Variants in SNX25 observed in about 807,000 individuals in gnomAD.
The protein encoded by SNX25 is sorting nexin 25.
Under a neutral mutation model 113.7 loss-of-function variants are expected in SNX25, and 62 were observed. The ratio of observed to expected loss-of-function variants is 0.55; its 90% CI spans 0.44 to 0.67. The LOEUF (loss-of-function observed/expected upper bound fraction) is 0.67. Ranked by LOEUF, SNX25 falls within the 30% of genes least tolerant of loss-of-function variation. SNX25 has a pLI of 0.00. For synonymous variants in SNX25, 421 were observed against 436.2 expected, an observed-to-expected ratio of 0.97 and a Z score of 0.43; for missense variants, 1,014 against 1,161.0, an observed-to-expected ratio of 0.87 and a Z score of 1.84.
At chr4:185,272,643 A>C (rs1170401035) in intron 5 of SNX25, among the ~76,000 whole-genome samples, 1 of 152,102 alleles carries the variant, frequency 6.6e-6, no homozygotes, top group Non-Finnish European at 1.5e-5. Context: ...ACTAATATTG[A>C]GATTCTCTTG....
chr4:185,206,660 CAAAA>C (rs375061067), upstream of SNX25, among the ~76,000 whole-genome samples: 3 of 77,438 alleles, frequency 3.9e-5, no homozygotes, highest in African/African-American at 1.0e-4. Context: ...ACTCTTGTCT[CAAAA>C]AAAAAAAAAA....
Position 185,321,561 on chromosome 4 carries a change from C to G in SNX25, c.1476+697C>G, listed in dbSNP as rs537020155. Among the ~76,000 whole-genome samples, 3 of 152,230 alleles carry G rather than the reference C, an allele frequency of 2.0e-5. No individual in the cohort carries two copies. In the South Asian group the frequency reaches 6.2e-4, roughly 32 times the overall value. Reference sequence around the variant, plus strand: ...TACAGTCATGAGCCACCGCAGCCAGCTTTTATTTCAATTTAAATATGAATA... The same window carrying G: ...TACAGTCATGAGCCACCGCAGCCAGGTTTTATTTCAATTTAAATATGAATA... On this transcript the variant is annotated intron_variant, in intron 8 of 18. Coordinates refer to ENST00000652585, the MANE Select transcript of SNX25 (RefSeq NM_001378034.2).
chr4:185,292,274 A>G (rs562868623), intron 6 of SNX25, among the ~76,000 whole-genome samples: 5 of 151,984 alleles, frequency 3.3e-5, no homozygotes, highest in African/African-American at 9.7e-5. Flanking sequence ...TGACGAGGGG[A>G]AAAAAGTAAA....
rs1160612902 is a variant in SNX25 at position 185,334,864 on chromosome 4, G to T, written c.1914+2105G>T. 1.3e-5 allele frequency among the ~76,000 whole-genome samples: 2 copies of T among 152,176 alleles called. No individual in the cohort carries two copies. The highest frequency in any genetic ancestry group is 2.4e-5 in the African/African-American group (1 of 41,452). On this transcript the variant is annotated intron_variant, in intron 10 of 18. Coordinates refer to ENST00000652585, the MANE Select transcript of SNX25 (RefSeq NM_001378034.2). This position sits in a 1 kb window ranked among gnomAD's most constrained non-coding sequence, Gnocchi z 4.2. ...CTGATCTACATTTGCTGTGTAATCA[G>T]ATTGTCCACAGGCTGCTCACGGAGC...
intron 13 of SNX25, among the ~76,000 whole-genome samples, chr4:185,346,918 C>G (rs779983856): frequency 5.3e-5 from 8 of 152,250 alleles, no homozygotes; most frequent in Non-Finnish European, 8.8e-5. Context: ...CAGCCCCCAG[C>G]TTCCTCCCAT....
chr4:185,217,635 T>C (rs1183520628), intron 1 of SNX25, among the ~76,000 whole-genome samples: 1 of 152,206 alleles, frequency 6.6e-6, no homozygotes, highest in Non-Finnish European at 1.5e-5. Flanking sequence ...TAATGGTAAT[T>C]GACTGTTGCC....
chr4:185,254,477 A>G (rs1288590994), intron 2 of SNX25, among the ~76,000 whole-genome samples: 1 of 152,164 alleles, frequency 6.6e-6, no homozygotes. Flanking sequence ...TCGCATTTCT[A>G]AATCGCTCAG....
intron 1 of SNX25, among the ~76,000 whole-genome samples, chr4:185,225,479 A>G (rs1231897320): frequency 6.6e-6 from 1 of 152,116 alleles, no homozygotes; most frequent in Admixed American, 6.6e-5. Context: ...CTGCTTTGTA[A>G]TCCTCTATGT....
intron 12 of SNX25, among the ~76,000 whole-genome samples, 173 bp from the exon 13 acceptor site, chr4:185,346,364 C>G (rs969552926): frequency 2.0e-5 from 3 of 152,172 alleles, no homozygotes; most frequent in Non-Finnish European, 4.4e-5. Context: ...TTTTTTCCAT[C>G]AAAGTTTCCG....
At chr4:185,349,723 G>A (rs1376076311) in intron 13 of SNX25, among the ~76,000 whole-genome samples, 2 of 152,008 alleles carry the variant, frequency 1.3e-5, no homozygotes, top group Non-Finnish European at 2.9e-5. Flanking sequence ...TTTTTAATGG[G>A]ATTATTGTGT....
intron 7 of SNX25, 150 bp from the exon 8 acceptor site, chr4:185,320,583 T>G (rs1045516817): frequency 2.9e-5 from 15 of 516,272 alleles, no homozygotes; most frequent in Non-Finnish European, 4.9e-5. Context: ...CTTAAATAAA[T>G]AAATAGTAAA....
chr4:185,368,342 T>C (rs559911937), downstream of SNX25, among the ~76,000 whole-genome samples: 8 of 152,278 alleles, frequency 5.3e-5, no homozygotes, highest in Non-Finnish European at 1.2e-4. Flanking sequence ...AGAGCAGGCC[T>C]GGGTCTGTCG....
intron 9 of SNX25, among the ~76,000 whole-genome samples, chr4:185,325,565 A>G (rs2095151495): frequency 6.6e-6 from 1 of 150,570 alleles, no homozygotes; most frequent in East Asian, 1.9e-4. Context: ...AAATCATGGT[A>G]GGACTGATTT....
At position 185,361,981 on chromosome 4, in the gene SNX25, C is replaced by G; in HGVS notation, c.2709C>G (p.Ile903Met). 1.2e-6 allele frequency: 2 copies of G among 1,614,024 alleles called. No individual in the cohort carries two copies. The highest frequency in any genetic ancestry group is 1.7e-6 in the Non-Finnish European group (2 of 1,179,994). The change falls in exon 17 of 19, where the codon ATC becomes ATG. Residue 903 changes from isoleucine to methionine, a missense_variant. Ile to Met is a conservative substitution (Grantham distance 10, BLOSUM62 1). Coordinates refer to ENST00000652585, the MANE Select transcript of SNX25 (RefSeq NM_001378034.2). ...GTGAGCAAATGTTGGTTTACTACAT[C>G]AATATTTTCCGGGATGCTTTTTGGC... ...IFSEQMLVYY[I>M]NIFRDAFWPN...
In SNX25 at chr4:185,277,005, G is replaced by A. The variant is rs1579583919; in HGVS notation, c.1091+9850G>A. On this transcript the variant is annotated intron_variant, in intron 5 of 18. Coordinates refer to ENST00000652585, the MANE Select transcript of SNX25 (RefSeq NM_001378034.2). The stretch of plus-strand genomic sequence containing the variant: ...TGGAATGAAGCATCAAGAGTTGGGG[G>A]TGGGTAATGCTCTTCCCCTTTTTTA... Among the ~76,000 whole-genome samples, 6 of 152,260 alleles carry A rather than the reference G, an allele frequency of 3.9e-5. 2 individuals carry two copies. The highest frequency in any genetic ancestry group is 3.9e-4 in the Admixed American group (6 of 15,290).
At chr4:185,276,613 T>C (rs543250638) in intron 5 of SNX25, among the ~76,000 whole-genome samples, 25 of 152,112 alleles carry the variant, frequency 1.6e-4, no homozygotes, top group Non-Finnish European at 5.9e-5. Context: ...GGCGGGAGGA[T>C]GGCTTGAGCC....
chr4:185,349,105 G>C (rs1392141299), intron 13 of SNX25, among the ~76,000 whole-genome samples: 6 of 151,942 alleles, frequency 3.9e-5, no homozygotes, highest in Non-Finnish European at 7.4e-5. Context: ...GGCTTCCCTG[G>C]TCCACAATGG....
Position 185,346,652 on chromosome 4 carries a change from TAAGC to T in SNX25, c.2301+6_2301+9del. On this transcript the variant is annotated splice_donor_5th_base_variant and intron_variant, in intron 13 of 18. Coordinates refer to ENST00000652585, the MANE Select transcript of SNX25 (RefSeq NM_001378034.2). ...AATCAATTAAATAAGTTTTTACAGG[TAAGC>T]AAGTGAAAAATGTGGGATATGAGAG... is the stretch of plus-strand genomic sequence containing the variant. 1.3e-6 allele frequency: 2 copies of T among 1,540,160 alleles called. No individual in the cohort carries two copies. The highest frequency in any genetic ancestry group is 1.8e-6 in the Non-Finnish European group (2 of 1,140,150).
intron 5 of SNX25, among the ~76,000 whole-genome samples, chr4:185,277,197 A>C (rs558666452): frequency 6.6e-6 from 1 of 151,968 alleles, no homozygotes; most frequent in African/African-American, 2.4e-5. Flanking sequence ...GCTAATTTTT[A>C]TATTTTCAGT....
Sources: gnomAD v4.1 joint callset for allele counts (sites outside exome capture counted in the v4.1 genomes callset) on GRCh38, gnomAD v4.1.1 for gene constraint, Gnocchi (gnomAD v3.1) non-coding constraint, MANE v1.5 for transcripts, NCBI Gene and HGNC (gene_info 2026-07-23, HGNC 2026-07-21) for gene names.